TGIF1: variants seen among roughly 807,000 people sequenced by gnomAD.
The protein encoded by TGIF1 is homeobox protein TGIF1.
In TGIF1, 4 loss-of-function variants were observed where a neutral mutation model predicts 19.3. The ratio of observed to expected loss-of-function variants is 0.21; its 90% confidence interval spans 0.10 to 0.47. The LOEUF is 0.47. TGIF1 is among the 20% of genes least tolerant of loss of function. The probability of loss-of-function intolerance (pLI) is 0.98; values close to 1 mark genes in which losing one functional copy is unlikely to be tolerated. For missense variants in TGIF1, 275 were observed against 341.4 expected (o/e 0.81, Z 1.53); for synonymous variants, 122 against 129.3 (o/e 0.94, Z 0.38).
chr18:3,451,893 C>T lies in TGIF1; in HGVS notation c.16+1388C>T. The T allele has an allele frequency of 3.4e-6, 5 of 1,488,168 alleles. No homozygotes were observed. The highest frequency in any genetic ancestry group is 4.5e-6 in the Non-Finnish European group (5 of 1,120,208). 92.2% of individuals were successfully genotyped at this position (1,488,168 alleles called of 1,614,324 possible). A position where few individuals can be genotyped will look rare whatever the true frequency, so the allele number is the denominator to read the frequency against. On this transcript the variant is annotated intron_variant, in intron 1 of 2. Transcript: ENST00000343820. The surrounding 1 kb of genome is among the most constrained non-coding windows in gnomAD (Gnocchi z 5.4). Reference sequence around the variant, plus strand: ...GACGCCCCGTGAAAGCCGTGCCGACCCTTGGGAGGACTGACAGGTCTAGAG... The same window carrying T: ...GACGCCCCGTGAAAGCCGTGCCGACTCTTGGGAGGACTGACAGGTCTAGAG...
chr18:3,453,968 GC>G, intron 1 of TGIF1: 1 of 392,422 alleles, frequency 2.5e-6, no homozygotes, highest in Non-Finnish European at 3.5e-6. Context: ...TCCAAGCTGA[GC>G]CACAACTAGG....
intron 2 of TGIF1, among the ~76,000 whole-genome samples, chr18:3,432,193 TC>T (rs2082558141): frequency 6.7e-6 from 1 of 149,220 alleles, no homozygotes; most frequent in Non-Finnish European, 1.5e-5. Context: ...GATATATCTG[TC>T]CAAAATGCAC....
upstream of TGIF1, among the ~76,000 whole-genome samples, chr18:3,446,396 C>G (rs1437282504): frequency 1.3e-5 from 2 of 152,116 alleles, no homozygotes; most frequent in Admixed American, 6.6e-5. Flanking sequence ...ATTGGTCAGG[C>G]TGGTCTCAAA....
chr18:3,458,289 A>G lies in TGIF1; in HGVS notation c.*349A>G, dbSNP rs2049428758. 8.1e-6 allele frequency: 2 copies of G among 245,894 alleles called. No homozygotes were observed. Among genetic ancestry groups the G allele is most frequent in the South Asian group, 1.2e-4 (2 of 16,758 alleles). The allele number at this position is 245,894 out of a possible 1,614,324, so 15.2% of individuals were successfully genotyped here. ...GAACCTATAGCATCTTCTCATTCCC[A>G]TGTGGAACAGGATGCCCACATACTG... On this transcript the variant is annotated 3_prime_UTR_variant, in exon 3 of 3. Coordinates refer to ENST00000343820, the MANE Select transcript of TGIF1 (RefSeq NM_003244.4).
At chr18:3,418,159 C>A (rs191597636) in exon 2 of TGIF1, 2 of 152,034 alleles carry the variant, frequency 1.3e-5, no homozygotes, top group Admixed American at 6.6e-5. Context: ...GTCTTTTCCA[C>A]GTGGTAGAAG....
upstream of TGIF1, chr18:3,448,704 G>T: frequency 1.3e-6 from 1 of 768,754 alleles, no homozygotes; most frequent in Non-Finnish European, 1.6e-6. Flanking sequence ...ACGCATTCTA[G>T]GGGCGGGGGT....
intron 2 of TGIF1, among the ~76,000 whole-genome samples, chr18:3,437,511 G>A (rs761248558): frequency 1.3e-5 from 2 of 152,140 alleles, no homozygotes; most frequent in Non-Finnish European, 2.9e-5. Flanking sequence ...AATAAGTGAT[G>A]TATTTTGGGA....
At chr18:3,416,402 C>T (rs548972153) in intron 1 of TGIF1, among the ~76,000 whole-genome samples, 1 of 152,142 alleles carries the variant, frequency 6.6e-6, no homozygotes, top group African/African-American at 2.4e-5. Flanking sequence ...GCCTGTAATC[C>T]CAGCTACAGA....
intron 2 of TGIF1, among the ~76,000 whole-genome samples, chr18:3,433,284 G>C (rs2082574037): frequency 6.6e-6 from 1 of 151,738 alleles, no homozygotes; most frequent in Non-Finnish European, 1.5e-5. Context: ...ATGTTGGCCA[G>C]GCTGGTCTCC....
At position 3,457,317 on chromosome 18, in the gene TGIF1, T is replaced by C; in HGVS notation, c.244-48T>C. ...CCCATAGAACATTCTCAGAACCCGT[T>C]GGCTGAGTGAATGAGGAAAATGTTA... On this transcript the variant is annotated intron_variant, in intron 2 of 2. Transcript: ENST00000343820. The surrounding 1 kb of genome is among the most constrained non-coding windows in gnomAD (Gnocchi z 4.9). 2.5e-6 allele frequency: 4 copies of C among 1,596,168 alleles called. No individual in the cohort carries two copies. In the South Asian group the frequency reaches 3.3e-5, roughly 13 times the overall value.
chr18:3,428,842 G>C (rs900227569), intron 2 of TGIF1, among the ~76,000 whole-genome samples: 2 of 152,084 alleles, frequency 1.3e-5, no homozygotes, highest in Non-Finnish European at 2.9e-5. Context: ...AGGAGTTCGA[G>C]AACAGCCTGG....
At chr18:3,454,294 CT>C (rs897018721) in intron 1 of TGIF1, among the ~76,000 whole-genome samples, 1 of 151,952 alleles carries the variant, frequency 6.6e-6, no homozygotes, top group South Asian at 2.1e-4. Context: ...CCTTCAGGGG[CT>C]TTTTTTGTTT....
chr18:3,451,630 G>T lies in TGIF1; in HGVS notation c.16+1125G>T, dbSNP rs2082937742. On this transcript the variant is annotated intron_variant, in intron 1 of 2. Coordinates refer to ENST00000343820, the MANE Select transcript of TGIF1 (RefSeq NM_003244.4). This position sits in a 1 kb window ranked among gnomAD's most constrained non-coding sequence, Gnocchi z 5.4. ...ACCCGGCCCGCTGCGGGGCGTTCCTGGGGGGTAGCCTCAAGGCCAGCGGGG... is the reference window on the plus strand; with the variant it reads ...ACCCGGCCCGCTGCGGGGCGTTCCTTGGGGGTAGCCTCAAGGCCAGCGGGG... 4 of 1,104,698 alleles carry T rather than the reference G, an allele frequency of 3.6e-6. No homozygotes were observed. Among genetic ancestry groups the T allele is most frequent in the South Asian group, 4.3e-5 (1 of 23,258 alleles). 68.4% of individuals were successfully genotyped at this position (1,104,698 alleles called of 1,614,324 possible).
intron 1 of TGIF1, among the ~76,000 whole-genome samples, chr18:3,453,137 T>C (rs2083038864): frequency 6.6e-6 from 1 of 152,148 alleles, no homozygotes; most frequent in Admixed American, 6.5e-5. Context: ...CGGGTCTGGC[T>C]ATGTTGCCCA....
intron 2 of TGIF1, among the ~76,000 whole-genome samples, chr18:3,440,520 T>G (rs1249735050): frequency 6.6e-6 from 1 of 152,184 alleles, no homozygotes; most frequent in African/African-American, 2.4e-5. Flanking sequence ...TAGGGGTTAT[T>G]CACATTTGCT....
intron 2 of TGIF1, among the ~76,000 whole-genome samples, chr18:3,435,274 C>T (rs1419247942): frequency 1.1e-4 from 16 of 150,800 alleles, no homozygotes; most frequent in Admixed American, 7.9e-4. Flanking sequence ...CTCACTGCAA[C>T]CTCCGCCTCC....
At chr18:3,421,964 T>C (rs2082404074) in intron 2 of TGIF1, among the ~76,000 whole-genome samples, 5 of 151,768 alleles carry the variant, frequency 3.3e-5, no homozygotes, top group South Asian at 2.1e-4. Context: ...GAGGCTGAGG[T>C]GAGCAGATCA....
chr18:3,447,672 G>C, upstream of TGIF1: 8 of 1,587,752 alleles, frequency 5.0e-6, no homozygotes, highest in South Asian at 7.7e-5. Context: ...GTAAGCTTTC[G>C]CTACATCACA....
chr18:3,432,239 C>T (rs913643247), intron 2 of TGIF1, among the ~76,000 whole-genome samples: 4 of 151,684 alleles, frequency 2.6e-5, no homozygotes, highest in African/African-American at 9.7e-5. Context: ...CATGGGACTG[C>T]CAAAGTGAGG....
Sources: allele counts gnomAD v4.1 joint callset (sites outside exome capture counted in the v4.1 genomes callset), GRCh38; gene constraint gnomAD v4.1.1; non-coding constraint Gnocchi (gnomAD v3.1); transcripts MANE v1.5; gene names NCBI Gene and HGNC (gene_info 2026-07-23, HGNC 2026-07-21).